GMEB1: variants seen among roughly 807,000 people sequenced by gnomAD.
GMEB1 encodes the protein glucocorticoid modulatory element binding protein 1.
In GMEB1, 6 loss-of-function variants were observed where a neutral mutation model predicts 52.4. That is an observed-to-expected ratio of 0.11 (90% CI 0.06 to 0.23). The LOEUF (loss-of-function observed/expected upper bound fraction) is 0.23. Ranked by LOEUF, GMEB1 falls within the 10% of genes least tolerant of loss-of-function variation. The pLI, the probability that GMEB1 is intolerant of heterozygous loss-of-function variation, is 1.00. For synonymous variants in GMEB1, 255 were observed against 244.9 expected, an observed-to-expected ratio of 1.04 and a Z score of -0.38; for missense variants, 486 against 685.6, an observed-to-expected ratio of 0.71 and a Z score of 3.25.
intron 1 of GMEB1, among the ~76,000 whole-genome samples, chr1:28,671,019 T>C (rs1668859753): frequency 6.6e-6 from 1 of 152,166 alleles, no homozygotes; most frequent in African/African-American, 2.4e-5. Flanking sequence ...CATCGCTCCC[T>C]CAAACATCTA....
At position 28,692,978 on chromosome 1, in the gene GMEB1, C is replaced by T. The variant is rs372654787; in HGVS notation, c.373C>T (p.His125Tyr). 2 of 1,609,416 alleles carry T rather than the reference C, an allele frequency of 1.2e-6. No individual in the cohort carries two copies. The highest frequency in any genetic ancestry group is 1.7e-6 in the Non-Finnish European group (2 of 1,177,272). ...GTTGATCAGCCCCAAGCACTTTGTT[C>T]ATCTGGCTGGCAAGTCCACTCTGAA... ...DQLISPKHFVHLAGKSTLKDW... is the reference protein window; with the variant it reads ...DQLISPKHFVYLAGKSTLKDW... The change falls in exon 5 of 10, where the codon CAT (histidine) becomes TAT (tyrosine). Residue 125 changes from histidine to tyrosine, a missense_variant. By Grantham distance (83) the His-to-Tyr change is moderately conservative. This residue lies in a region of GMEB1 where 43 missense variants were observed against 117.5 expected (regional missense o/e 0.37). Coordinates refer to ENST00000373816, the MANE Select transcript of GMEB1 (RefSeq NM_001319674.2).
At chr1:28,702,613 C>CCTTA in intron 7 of GMEB1, 44 bp downstream of exon 7, 1 of 1,575,396 alleles carries the variant, frequency 6.3e-7, no homozygotes, top group South Asian at 1.1e-5. Context: ...GTCTTGTGAG[C>CCTTA]CTTATCACCA....
chr1:28,674,369 A>C (rs1192972220), intron 1 of GMEB1, among the ~76,000 whole-genome samples: 1 of 152,010 alleles, frequency 6.6e-6, no homozygotes, highest in East Asian at 1.9e-4. Flanking sequence ...ACAAAAACCC[A>C]AAAAACTACG....
intron 1 of GMEB1, 123 bp from the exon 2 acceptor site, chr1:28,683,460 G>A: frequency 1.4e-6 from 1 of 707,162 alleles, no homozygotes; most frequent in Middle Eastern, 4.2e-4. Flanking sequence ...CCCAACCTCA[G>A]GCGATCCGCC....
chr1:28,695,246 G>A (rs571942897), intron 5 of GMEB1, among the ~76,000 whole-genome samples: 31 of 151,900 alleles, frequency 2.0e-4, no homozygotes, highest in African/African-American at 7.2e-4. Context: ...GATTACAGGC[G>A]TGAGCCACCA....
At chr1:28,692,839 G>C (rs1670027802) in intron 4 of GMEB1, 103 bp from the exon 5 acceptor site, 1 of 568,512 alleles carries the variant, frequency 1.8e-6, no homozygotes, top group Admixed American at 3.1e-5. Flanking sequence ...ATGTCATCTG[G>C]GTATTTTTTA....
chr1:28,696,296 AGTTC>A (rs1199007809), intron 5 of GMEB1, among the ~76,000 whole-genome samples: 2 of 151,972 alleles, frequency 1.3e-5, no homozygotes, highest in African/African-American at 4.8e-5. Context: ...CAAACTCCTG[AGTTC>A]AAGTGATCCT....
intron 1 of GMEB1, among the ~76,000 whole-genome samples, chr1:28,673,708 T>C (rs1236068843): frequency 6.6e-6 from 1 of 152,162 alleles, no homozygotes. Flanking sequence ...CAAAGTGTTG[T>C]TTTTGTCTTT....
intron 2 of GMEB1, among the ~76,000 whole-genome samples, chr1:28,687,374 ACACAC>A (rs1557504210): frequency 0.014 from 1,621 of 118,116 alleles, 226 homozygotes; most frequent in Non-Finnish European, 0.021. Flanking sequence ...ACACACACAC[ACACAC>A]ACACACACAA....
chr1:28,693,292 C>T (rs539549554), intron 5 of GMEB1, among the ~76,000 whole-genome samples: 10 of 151,546 alleles, frequency 6.6e-5, no homozygotes, highest in Non-Finnish European at 1.3e-4. Flanking sequence ...GATCTTGGCT[C>T]ACTGCAACCT....
In GMEB1 at chr1:28,704,290, G is replaced by A. The variant is rs200386678; in HGVS notation, c.829G>A (p.Val277Ile). The change falls in exon 8 of 10, where the codon GTT (valine) becomes ATT (isoleucine). Residue 277 changes from valine (V) to isoleucine (I), a missense_variant. By Grantham distance (29) the Val-to-Ile change is conservative. This residue lies in a region of GMEB1 where 200 missense variants were observed against 253.5 expected (regional missense o/e 0.79). Transcript: ENST00000373816. ...GGAAATAGAGGAGCTACTCAGGGGAGTTCAGCAGCGGCTCATCCAGGCTCC... is the reference window on the plus strand; with the variant it reads ...GGAAATAGAGGAGCTACTCAGGGGAATTCAGCAGCGGCTCATCCAGGCTCC... Reference protein sequence around the residue: ...QKEIEELLRGVQQRLIQAPFQ... With the variant: ...QKEIEELLRGIQQRLIQAPFQ... 2 of 1,613,324 alleles carry A rather than the reference G, an allele frequency of 1.2e-6. No individual in the cohort carries two copies. The highest frequency in any genetic ancestry group is 1.7e-5 in the Admixed American group (1 of 59,886).
chr1:28,672,712 T>A (rs1284040997), intron 1 of GMEB1, among the ~76,000 whole-genome samples: 2 of 150,812 alleles, frequency 1.3e-5, no homozygotes, highest in African/African-American at 4.8e-5. Flanking sequence ...CCCTCCCCAC[T>A]CTGGCCTGGG....
chr1:28,673,965 A>T (rs1239877006), intron 1 of GMEB1, among the ~76,000 whole-genome samples: 1 of 151,690 alleles, frequency 6.6e-6, no homozygotes, highest in Non-Finnish European at 1.5e-5. Context: ...GGCCAACATG[A>T]TGAAACCCTG....
chr1:28,683,115 T>C (rs1341963434), intron 1 of GMEB1, among the ~76,000 whole-genome samples: 1 of 152,164 alleles, frequency 6.6e-6, no homozygotes, highest in Non-Finnish European at 1.5e-5. Context: ...GATCAGAGCC[T>C]GTGATAGCCC....
intron 1 of GMEB1, among the ~76,000 whole-genome samples, chr1:28,671,033 A>T (rs919226237): frequency 6.6e-6 from 1 of 152,120 alleles, no homozygotes; most frequent in African/African-American, 2.4e-5. Context: ...ACATCTACAT[A>T]ATAGTCTCCA....
At chr1:28,681,626 G>A (rs1302941696) in intron 1 of GMEB1, among the ~76,000 whole-genome samples, 4 of 152,128 alleles carry the variant, frequency 2.6e-5, no homozygotes. Context: ...GGAATTCAGA[G>A]TGCCGTGCTT....
chr1:28,682,930 A>G (rs1330153392), intron 1 of GMEB1, among the ~76,000 whole-genome samples: 1 of 152,170 alleles, frequency 6.6e-6, no homozygotes, highest in Non-Finnish European at 1.5e-5. Context: ...GTTTACGCCC[A>G]GCATCGCTGA....
chr1:28,697,162 C>CATATAT (rs71586855), intron 6 of GMEB1, 78 bp downstream of exon 6: 4,170 of 148,142 alleles, frequency 0.028, 215 homozygotes, highest in African/African-American at 0.051. Context: ...CTTGTGTGTA[C>CATATAT]ATATATATAT....
At chr1:28,681,284 C>T (rs1464857263) in intron 1 of GMEB1, among the ~76,000 whole-genome samples, 4 of 152,050 alleles carry the variant, frequency 2.6e-5, no homozygotes, top group Non-Finnish European at 5.9e-5. Context: ...AAGAGAATTG[C>T]TTGAACCTGG....
Sources: gnomAD v4.1 joint callset for allele counts (sites outside exome capture counted in the v4.1 genomes callset) on GRCh38, gnomAD v4.1.1 for gene constraint, gnomAD v4.1.1 regional missense constraint, MANE v1.5 for transcripts, NCBI Gene and HGNC (gene_info 2026-07-23, HGNC 2026-07-21) for gene names.